Variants in COL9A3 observed in about 807,000 individuals in gnomAD.
The protein encoded by COL9A3 is collagen alpha-3(IX) chain.
In COL9A3, 82 loss-of-function variants were observed where a neutral mutation model predicts 110.2. The observed-to-expected ratio is 0.74, with a 90% CI of 0.62 to 0.89. COL9A3 has a LOEUF of 0.89. Among genes scored for constraint, COL9A3 ranks in the 40% least tolerant of loss-of-function variants. The pLI, the probability that COL9A3 is intolerant of heterozygous loss-of-function variation, is 0.00. For synonymous variants in COL9A3, 494 were observed against 403.8 expected (o/e 1.22, Z -2.68); for missense variants, 1,066 against 981.3 (o/e 1.09, Z -1.15).
At chr20:62,821,352 C>T in intron 6 of COL9A3, 136 bp downstream of exon 6, 1 of 1,330,446 alleles carries the variant, frequency 7.5e-7, no homozygotes, top group South Asian at 1.2e-5. Flanking sequence ...GAGGCTGGTG[C>T]CTGGATGGGG....
intron 25 of COL9A3, chr20:62,832,817 G>A (rs534402116): frequency 3.1e-4 from 132 of 431,910 alleles, no homozygotes; most frequent in Non-Finnish European, 4.3e-4. Flanking sequence ...AATGTCTTCC[G>A]TTTTTTGGCC....
chr20:62,821,098 TG>T, intron 5 of COL9A3, 82 bp from the exon 6 acceptor site: 1 of 1,404,564 alleles, frequency 7.1e-7, no homozygotes. Context: ...GAGTTGGAGT[TG>T]TGACGTCACA....
intron 25 of COL9A3, 150 bp from the exon 26 acceptor site, chr20:62,832,870 G>C (rs1006224950): frequency 4.7e-6 from 3 of 642,326 alleles, no homozygotes; most frequent in African/African-American, 4.9e-5. Flanking sequence ...GTTTGGAGCG[G>C]GTTAAAAGGC....
chr20:62,819,120 G>A, intron 3 of COL9A3, 102 bp from the exon 4 acceptor site: 2 of 1,185,394 alleles, frequency 1.7e-6, no homozygotes, highest in Non-Finnish European at 2.5e-6. Flanking sequence ...CATCCCGTAT[G>A]GTTGGGCTGG....
intron 15 of COL9A3, 32 bp downstream of exon 15, chr20:62,826,852 C>A: frequency 1.2e-6 from 2 of 1,609,482 alleles, no homozygotes; most frequent in Non-Finnish European, 1.7e-6. Flanking sequence ...GGGCGCCATG[C>A]CTCGTGACCT....
chr20:62,821,429 C>T, intron 6 of COL9A3, 78 bp from the exon 7 acceptor site: 1 of 1,589,718 alleles, frequency 6.3e-7, no homozygotes, highest in Non-Finnish European at 8.6e-7. Context: ...CCAGGACCCA[C>T]CTGAGCCATC....
rs144873969 is a variant in COL9A3, at chr20:62,823,687, T to C, written c.520-758T>C. On this transcript the variant is annotated intron_variant, in intron 10 of 31. Coordinates refer to ENST00000649368, the MANE Select transcript of COL9A3 (RefSeq NM_001853.4). ...TGGCCTGCCCATTGCAGCTGTAGGATCATCTAGAAGCAGCCCTGGGTTTCC... is the reference window on the plus strand; with the variant it reads ...TGGCCTGCCCATTGCAGCTGTAGGACCATCTAGAAGCAGCCCTGGGTTTCC... Among the ~76,000 whole-genome samples the C allele has an allele frequency of 1.7e-4, 26 of 152,356 alleles. No homozygotes were observed. In the East Asian group the frequency reaches 5.0e-3, roughly 29 times the overall value.
At chr20:62,817,546 A>C in intron 1 of COL9A3, 21 bp from the exon 2 acceptor site, 1 of 1,523,186 alleles carries the variant, frequency 6.6e-7, no homozygotes, top group African/African-American at 1.4e-5. Context: ...TGCGCTCCTT[A>C]ATGAGTTTTC....
intron 30 of COL9A3, among the ~76,000 whole-genome samples, chr20:62,837,720 T>C (rs2063647991): frequency 6.6e-6 from 1 of 151,974 alleles, no homozygotes; most frequent in African/African-American, 2.4e-5. Context: ...GGCAGGAGAA[T>C]CTCTTGAACC....
chr20:62,823,821 C>CT (rs1003913414), intron 10 of COL9A3, among the ~76,000 whole-genome samples: 10 of 152,262 alleles, frequency 6.6e-5, no homozygotes, highest in Non-Finnish European at 1.0e-4. Flanking sequence ...GCAAGGCCCC[C>CT]TGCAGTGCCG....
intron 16 of COL9A3, among the ~76,000 whole-genome samples, 166 bp downstream of exon 16, chr20:62,827,460 T>G (rs2063563514): frequency 6.6e-6 from 1 of 151,996 alleles, no homozygotes; most frequent in African/African-American, 2.4e-5. Context: ...GGGCCCGAGC[T>G]CTCTCCCTGG....
At chr20:62,830,919 T>G (rs1398106774) in intron 24 of COL9A3, among the ~76,000 whole-genome samples, 6 of 151,018 alleles carry the variant, frequency 4.0e-5, no homozygotes, top group African/African-American at 1.5e-4. Flanking sequence ...CTGTGGCGCC[T>G]TTGGCCCCTC....
intron 16 of COL9A3, 138 bp from the exon 17 acceptor site, chr20:62,827,785 G>A: frequency 1.2e-6 from 1 of 853,208 alleles, no homozygotes; most frequent in Middle Eastern, 2.7e-4. Context: ...GCACCCACAG[G>A]CCCCAGGGTG....
rs775332360 is a variant in COL9A3 at position 62,827,261 on chromosome 20, C to T, written c.813C>T (p.Gly271=). ...TCCAGGGTGACCGAGGCGAGAGGGG[C>T]CCAGAAGGGTTCCGCGGCCCCAAGG... ...PGKAGDRGER[G]PEGFRGPKGD... is the part of the protein sequence containing the mutation. The change falls in exon 16 of 32, where the codon GGC becomes GGT. Residue 271 remains glycine, a synonymous_variant. Transcript: ENST00000649368. 1.2e-6 allele frequency: 2 copies of T among 1,613,300 alleles called. No individual in the cohort carries two copies. Among genetic ancestry groups the T allele is most frequent in the South Asian group, 2.2e-5 (2 of 91,086 alleles).
intron 12 of COL9A3, 155 bp from the exon 13 acceptor site, chr20:62,825,661 CT>C (rs1475018765): frequency 2.6e-6 from 2 of 770,512 alleles, no homozygotes; most frequent in Non-Finnish European, 4.5e-6. Flanking sequence ...TGCTCTGGAA[CT>C]GTGGGCAAGT....
chr20:62,830,166 T>C (rs1229790536), intron 22 of COL9A3, among the ~76,000 whole-genome samples, 194 bp from the exon 23 acceptor site: 1 of 152,064 alleles, frequency 6.6e-6, no homozygotes, highest in Non-Finnish European at 1.5e-5. Flanking sequence ...GTCCAGGGTA[T>C]GCCTGAGTTC....
In COL9A3 at chr20:62,821,521, T is replaced by C. The variant is rs769310210; in HGVS notation, c.360T>C (p.Pro120=). Residue 120 remains proline, a synonymous_variant, in exon 7 of 32, where the codon CCT becomes CCC. Transcript: ENST00000649368. ...GPPGLGGKGL[P]GPPGEAGVSG... is the part of the protein sequence containing the mutation. Reference sequence around the variant, plus strand: ...TGGCTTTGCAGGGCAAAGGCCTCCCTGGACCCCCCGTGAGTACTGACAACC... The same window carrying C: ...TGGCTTTGCAGGGCAAAGGCCTCCCCGGACCCCCCGTGAGTACTGACAACC... The C allele has an allele frequency of 4.5e-5, 72 of 1,612,712 alleles. No individual in the cohort carries two copies. The highest frequency in any genetic ancestry group is 5.9e-5 in the Non-Finnish European group (70 of 1,179,956).
chr20:62,838,456 C>T (rs901963401), intron 30 of COL9A3, among the ~76,000 whole-genome samples: 21 of 152,220 alleles, frequency 1.4e-4, no homozygotes, highest in East Asian at 1.9e-4. Context: ...GTCACCTATG[C>T]GGTGCGTCGT....
At position 62,840,650 on chromosome 20, in the gene COL9A3, C is replaced by T; in HGVS notation, c.1973C>T (p.Thr658Ile). 2 of 1,609,908 alleles carry T rather than the reference C, an allele frequency of 1.2e-6. No individual in the cohort carries two copies. Among genetic ancestry groups the T allele is most frequent in the South Asian group, 2.2e-5 (2 of 90,316 alleles). Reference protein sequence around the residue: ...GLPGAIGAQGTPGICDTSACQ... With the variant: ...GLPGAIGAQGIPGICDTSACQ... ...CCAGGTGCCATTGGGGCCCAGGGGA[C>T]ACCGGGGATCTGCGACACCTCAGCC... The change falls in exon 32 of 32, where the codon ACA (threonine) becomes ATA (isoleucine). Residue 658 changes from threonine (T) to isoleucine (I), a missense_variant. Thr to Ile is a moderately conservative substitution (Grantham distance 89). Coordinates refer to ENST00000649368, the MANE Select transcript of COL9A3 (RefSeq NM_001853.4).
Sources: gnomAD v4.1 joint callset for allele counts (sites outside exome capture counted in the v4.1 genomes callset) on GRCh38, gnomAD v4.1.1 for gene constraint, MANE v1.5 for transcripts, NCBI Gene and HGNC (gene_info 2026-07-23, HGNC 2026-07-21) for gene names.